The following GRHL1 variants were observed in gnomAD, a reference collection of about 807,000 sequenced individuals.
The protein encoded by GRHL1 is grainyhead like transcription factor 1, also known as grainyhead-like protein 1 homolog.
Under a neutral mutation model 75.7 loss-of-function variants are expected in GRHL1, and 38 were observed. The observed-to-expected ratio is 0.50, with a 90% confidence interval of 0.39 to 0.66. The LOEUF is 0.66. Ranked by LOEUF, GRHL1 falls within the 30% of genes least tolerant of loss-of-function variation. The pLI is 0.00. For synonymous variants in GRHL1, 266 were observed against 279.4 expected, an observed-to-expected ratio of 0.95 and a Z score of 0.48; for missense variants, 589 against 767.5, an observed-to-expected ratio of 0.77 and a Z score of 2.75.
At position 9,987,228 on chromosome 2, in the gene GRHL1, T is replaced by G. The variant is rs906230017; in HGVS notation, c.1269+946T>G. 6.6e-6 allele frequency among the ~76,000 whole-genome samples: 1 copy of G among 151,784 alleles called. No homozygotes were observed. Among genetic ancestry groups the G allele is most frequent in the South Asian group, 2.1e-4 (1 of 4,798 alleles). Reference sequence around the variant, plus strand: ...CCTCATGTGATGCGCCCACTTTGGCTTCCCAAAGTGCTGGGATTACAGGTG... The same window carrying G: ...CCTCATGTGATGCGCCCACTTTGGCGTCCCAAAGTGCTGGGATTACAGGTG... On this transcript the variant is annotated intron_variant, in intron 9 of 15. Transcript: ENST00000324907. The surrounding 1 kb of genome is among the most constrained non-coding windows in gnomAD (Gnocchi z 4.2).
chr2:9,963,694 A>C (rs909142582), intron 5 of GRHL1, among the ~76,000 whole-genome samples, 192 bp from the exon 6 acceptor site: 2 of 152,240 alleles, frequency 1.3e-5, no homozygotes, highest in African/African-American at 4.8e-5. Flanking sequence ...ACTGACATCC[A>C]TCACATCATA....
chr2:9,986,342 G>T, intron 9 of GRHL1, 60 bp downstream of exon 9: 1 of 1,237,432 alleles, frequency 8.1e-7, no homozygotes, highest in Non-Finnish European at 1.1e-6. Flanking sequence ...AAAAAGACCA[G>T]GGTCTCTTTA....
chr2:9,952,873 G>A (rs1666851317), intron 1 of GRHL1: 1 of 353,688 alleles, frequency 2.8e-6, no homozygotes, highest in Non-Finnish European at 5.7e-6. Flanking sequence ...TATTTTGTAT[G>A]GAGTATCTTA....
Position 9,962,496 on chromosome 2 carries a change from G to T in GRHL1, c.711G>T (p.Met237Ile), listed in dbSNP as rs1332086270. 21 of 1,601,140 alleles carry T rather than the reference G, an allele frequency of 1.3e-5. No individual in the cohort carries two copies. Among genetic ancestry groups the T allele is most frequent in the African/African-American group, 2.7e-5 (2 of 74,682 alleles). Residue 237 changes from methionine (M) to isoleucine (I), a missense_variant, in exon 5 of 16, where the codon ATG becomes ATT. Coordinates refer to ENST00000324907, the MANE Select transcript of GRHL1 (RefSeq NM_198182.3). ...ATCTCAGTCTGCGGATGCCTGGCAT[G>T]AATTCAGAGGACTATGTTTTTGACA... ...PSDLSLRMPG[M>I]NSEDYVFDSV...
At chr2:9,991,191 A>AG (rs1330181234) in intron 10 of GRHL1, among the ~76,000 whole-genome samples, 1 of 152,140 alleles carries the variant, frequency 6.6e-6, no homozygotes, top group Non-Finnish European at 1.5e-5. Flanking sequence ...CAGAATCTAT[A>AG]GGGCTTCTGT....
Position 9,992,389 on chromosome 2 carries a change from T to C in GRHL1, c.1461+243T>C, listed in dbSNP as rs1668682221. 6.6e-6 allele frequency among the ~76,000 whole-genome samples: 1 copy of C among 152,214 alleles called. No individual in the cohort carries two copies. Among genetic ancestry groups the C allele is most frequent in the Non-Finnish European group, 1.5e-5 (1 of 68,038 alleles). On this transcript the variant is annotated intron_variant, in intron 11 of 15. Transcript: ENST00000324907. The surrounding 1 kb of genome is among the most constrained non-coding windows in gnomAD (Gnocchi z 4.6). ...CTGTTTGTATTCATTCATTCATTCGTTCGTTCTTCATACCTACATATCCTA... is the reference window on the plus strand; with the variant it reads ...CTGTTTGTATTCATTCATTCATTCGCTCGTTCTTCATACCTACATATCCTA...
At chr2:9,954,874 G>C (rs1250926421) in intron 1 of GRHL1, 41 bp from the exon 2 acceptor site, 9 of 1,523,366 alleles carry the variant, frequency 5.9e-6, no homozygotes, top group Non-Finnish European at 8.2e-6. Context: ...CCTTGCAGTA[G>C]AAAAGTGTGT....
chr2:9,983,220 C>T (rs1196905428), intron 8 of GRHL1, among the ~76,000 whole-genome samples: 1 of 152,150 alleles, frequency 6.6e-6, no homozygotes, highest in African/African-American at 2.4e-5. Context: ...CTGTTCTTGT[C>T]TCTCATGTTC....
In GRHL1 at chr2:9,997,321, T is replaced by TAATAA. The variant is rs1213292583; in HGVS notation, c.1677+922_1677+926dup. Among the ~76,000 whole-genome samples the TAATAA allele has an allele frequency of 2.6e-5, 4 of 152,080 alleles. No individual in the cohort carries two copies. The South Asian group carries it at 6.2e-4, about 24-fold the overall frequency. On this transcript the variant is annotated intron_variant, in intron 14 of 15. Transcript: ENST00000324907. The stretch of plus-strand genomic sequence containing the variant: ...AGGTACTGATGAGTGCCATGAAGAT[T>TAATAA]AATAAAGCAGGGAGATGGGGCGTGG...
intron 1 of GRHL1, among the ~76,000 whole-genome samples, 159 bp downstream of exon 1, chr2:9,952,012 C>T (rs1666801724): frequency 6.6e-6 from 1 of 151,604 alleles, no homozygotes; most frequent in African/African-American, 2.4e-5. Context: ...CGGCCTTTGC[C>T]CCTTAGCCCT....
intron 1 of GRHL1, chr2:9,953,134 G>A (rs1227948933): frequency 8.8e-6 from 4 of 455,208 alleles, no homozygotes; most frequent in Non-Finnish European, 1.8e-5. Context: ...GCCTTAGGCA[G>A]GCTTTGGAAA....
intron 12 of GRHL1, among the ~76,000 whole-genome samples, chr2:9,994,535 A>G (rs73162258): frequency 0.028 from 4,307 of 152,050 alleles, 187 homozygotes; most frequent in African/African-American, 0.098. Context: ...GGGGACATTC[A>G]TGCCCCACAC....
Position 9,990,834 on chromosome 2 carries a change from T to A in GRHL1, c.1321+87T>A. On this transcript the variant is annotated intron_variant, in intron 10 of 15. Coordinates refer to ENST00000324907, the MANE Select transcript of GRHL1 (RefSeq NM_198182.3). This position sits in a 1 kb window ranked among gnomAD's most constrained non-coding sequence, Gnocchi z 4.2. ...TTCAGACCTTTTCCATTGAGAATGG[T>A]GGCTGGAGTTTGCACGCAGAAGACA... is the stretch of plus-strand genomic sequence containing the variant. 9.3e-6 allele frequency: 10 copies of A among 1,075,212 alleles called. No homozygotes were observed. Among genetic ancestry groups the A allele is most frequent in the Middle Eastern group, 2.0e-4 (1 of 4,918 alleles). The allele number at this position is 1,075,212 out of a possible 1,614,324, so 66.6% of individuals were successfully genotyped here. A position where few individuals can be genotyped will look rare whatever the true frequency, so the allele number is the denominator to read the frequency against.
intron 8 of GRHL1, among the ~76,000 whole-genome samples, chr2:9,981,133 G>A (rs1668180936): frequency 6.6e-6 from 1 of 152,248 alleles, no homozygotes; most frequent in Non-Finnish European, 1.5e-5. Context: ...CTCGCCATAT[G>A]TGTATGCCAG....
intron 8 of GRHL1, among the ~76,000 whole-genome samples, chr2:9,978,122 T>C (rs1012153582): frequency 1.4e-4 from 22 of 152,180 alleles, no homozygotes; most frequent in Admixed American, 1.3e-3. Context: ...GGTCCCTCCC[T>C]CAACACGTGG....
At chr2:9,958,896 A>G (rs1271199188) in intron 3 of GRHL1, 40 bp downstream of exon 3, 1 of 1,598,866 alleles carries the variant, frequency 6.3e-7, no homozygotes, top group Non-Finnish European at 8.5e-7. Flanking sequence ...GTGCAGGGGG[A>G]AATGCCACGT....
intron 14 of GRHL1, among the ~76,000 whole-genome samples, chr2:9,997,653 C>A (rs1008879468): frequency 6.6e-6 from 1 of 151,874 alleles, no homozygotes; most frequent in Non-Finnish European, 1.5e-5. Flanking sequence ...GAAACCCTGT[C>A]TCTACTAAAA....
intron 8 of GRHL1, among the ~76,000 whole-genome samples, chr2:9,972,171 CTGTCACT>C (rs1263037663): frequency 1.3e-5 from 2 of 151,466 alleles, no homozygotes; most frequent in Non-Finnish European, 2.9e-5. Context: ...TGCATCTGGG[CTGTCACT>C]TGAATTCCTT....
chr2:9,957,127 A>T (rs963472566), intron 2 of GRHL1, among the ~76,000 whole-genome samples: 22 of 151,388 alleles, frequency 1.5e-4, no homozygotes, highest in African/African-American at 5.4e-4. Context: ...CAGCTTCCTG[A>T]GTAACTAGGA....
Sources: gnomAD v4.1 joint callset for allele counts (sites outside exome capture counted in the v4.1 genomes callset) on GRCh38, gnomAD v4.1.1 for gene constraint, Gnocchi (gnomAD v3.1) non-coding constraint, MANE v1.5 for transcripts, NCBI Gene and HGNC (gene_info 2026-07-23, HGNC 2026-07-21) for gene names.